The following KCNN2 variants were observed in gnomAD, a reference collection of about 807,000 sequenced individuals.
The protein encoded by KCNN2 is potassium calcium-activated channel subfamily N member 2, also known as small conductance calcium-activated potassium channel protein 2.
A neutral mutation model predicts 55.5 loss-of-function variants in KCNN2; 24 were observed. That is an observed-to-expected ratio of 0.43 (90% CI 0.31 to 0.61). The LOEUF is 0.61. KCNN2 is among the 20% of genes least tolerant of loss of function. The pLI, the probability that KCNN2 is intolerant of heterozygous loss-of-function variation, is 0.08. For synonymous variants in KCNN2, 431 were observed against 336.1 expected (o/e 1.28, Z -3.09); for missense variants, 754 against 853.6 (o/e 0.88, Z 1.45).
At chr5:114,146,333 C>A (rs1194623048) in intron 1 of KCNN2, among the ~76,000 whole-genome samples, 2 of 152,124 alleles carry the variant, frequency 1.3e-5, no homozygotes, top group Non-Finnish European at 2.9e-5. Flanking sequence ...TCTGTTACTT[C>A]TTTCTACAAT....
intron 6 of KCNN2, among the ~76,000 whole-genome samples, chr5:114,487,817 A>G (rs139239516): frequency 6.6e-6 from 1 of 152,272 alleles, no homozygotes; most frequent in East Asian, 1.9e-4. Flanking sequence ...TCCTTACTGT[A>G]AGTATTATTC....
chr5:114,149,103 G>A (rs1015280868), intron 1 of KCNN2, among the ~76,000 whole-genome samples: 1 of 152,046 alleles, frequency 6.6e-6, no homozygotes, highest in Admixed American at 6.6e-5. Flanking sequence ...AGAGAATAAG[G>A]TTATAGGAAT....
chr5:114,432,773 C>G (rs764390592), intron 3 of KCNN2, among the ~76,000 whole-genome samples: 1 of 152,168 alleles, frequency 6.6e-6, no homozygotes, highest in Admixed American at 6.5e-5. Context: ...CCGCGCACGC[C>G]GAGCAGCCGG....
intron 1 of KCNN2, among the ~76,000 whole-genome samples, chr5:114,128,131 T>G (rs1453870207): frequency 6.6e-6 from 1 of 152,174 alleles, no homozygotes; most frequent in Non-Finnish European, 1.5e-5. Context: ...TTTTTGAGTA[T>G]CTTTATAACA....
intron 1 of KCNN2, among the ~76,000 whole-genome samples, chr5:114,084,510 T>C (rs1202477802): frequency 6.6e-6 from 1 of 152,082 alleles, no homozygotes; most frequent in East Asian, 1.9e-4. Flanking sequence ...TATTTTTAAA[T>C]TGGGTTGCTT....
chr5:114,388,717 TC>T (rs1032492502), intron 2 of KCNN2, among the ~76,000 whole-genome samples: 1 of 152,124 alleles, frequency 6.6e-6, no homozygotes, highest in East Asian at 1.9e-4. Context: ...TTTCACCCTT[TC>T]CCCCTGAGAA....
chr5:114,223,102 A>G (rs1754175779), intron 2 of KCNN2, among the ~76,000 whole-genome samples: 2 of 152,162 alleles, frequency 1.3e-5, no homozygotes, highest in African/African-American at 4.8e-5. Context: ...TTCTTGCACT[A>G]CATGTTTAAA....
intron 2 of KCNN2, among the ~76,000 whole-genome samples, chr5:114,308,123 T>C (rs368939999): frequency 6.6e-6 from 1 of 152,144 alleles, no homozygotes; most frequent in Non-Finnish European, 1.5e-5. Flanking sequence ...CCTATCTAGC[T>C]CATGTCAATT....
intron 2 of KCNN2, among the ~76,000 whole-genome samples, chr5:114,378,342 CCT>C (rs1476456338): frequency 6.6e-6 from 1 of 152,074 alleles, no homozygotes; most frequent in African/African-American, 2.4e-5. Flanking sequence ...TTTGCCAGCC[CCT>C]GAGTTAGAGA....
chr5:114,168,174 TAC>T (rs10654082), intron 1 of KCNN2, among the ~76,000 whole-genome samples: 1,824 of 148,672 alleles, frequency 0.012, 36 homozygotes, highest in African/African-American at 0.039. Context: ...TGGATATATA[TAC>T]ACACACACAC....
Position 114,481,532 on chromosome 5 carries a change from G to GA in KCNN2, c.1891-5510dup, listed in dbSNP as rs568134143. ...ACCATTGCCATTCTTCACAGAATTAGAAAAAAAACTATTTTAAAATTTACA... is the reference window on the plus strand; with the variant it reads ...ACCATTGCCATTCTTCACAGAATTAGAAAAAAAAACTATTTTAAAATTTACA... On this transcript the variant is annotated intron_variant, in intron 5 of 7. Transcript: ENST00000673685. 1.5e-3 allele frequency among the ~76,000 whole-genome samples: 222 copies of GA among 151,868 alleles called. 1 individual carries two copies. Among genetic ancestry groups the GA allele is most frequent in the African/African-American group, 5.2e-3 (214 of 41,444 alleles).
chr5:114,374,975 G>T (rs539705416), intron 2 of KCNN2, among the ~76,000 whole-genome samples: 2 of 152,040 alleles, frequency 1.3e-5, no homozygotes, highest in African/African-American at 2.4e-5. Context: ...GGAGGCTTTC[G>T]TTTTCCAGGG....
intron 2 of KCNN2, among the ~76,000 whole-genome samples, chr5:114,385,974 C>G (rs1439198814): frequency 7.3e-5 from 11 of 151,186 alleles, no homozygotes; most frequent in Non-Finnish European, 1.2e-4. Flanking sequence ...GTCAGGAAAT[C>G]GAGACCAGCC....
chr5:114,383,464 C>CT (rs66787954), intron 2 of KCNN2, among the ~76,000 whole-genome samples: 1,347 of 102,444 alleles, frequency 0.013, 9 homozygotes, highest in East Asian at 0.017. Flanking sequence ...CCACTAAATG[C>CT]TTTTTTTTTT....
chr5:114,344,227 A>T (rs6885839), intron 2 of KCNN2, among the ~76,000 whole-genome samples: 6,229 of 152,220 alleles, frequency 0.041, 391 homozygotes, highest in African/African-American at 0.14. Flanking sequence ...CCCAGTCACC[A>T]AGACTTCCCT....
At chr5:114,241,577 T>A (rs1316378288) in intron 2 of KCNN2, among the ~76,000 whole-genome samples, 1 of 151,026 alleles carries the variant, frequency 6.6e-6, no homozygotes, top group East Asian at 1.9e-4. Flanking sequence ...TAATAAAGAT[T>A]GCTGTCATGT....
intron 2 of KCNN2, among the ~76,000 whole-genome samples, chr5:114,349,459 G>C (rs779669830): frequency 6.6e-6 from 1 of 151,908 alleles, no homozygotes; most frequent in African/African-American, 2.4e-5. Flanking sequence ...TTACCTTCAG[G>C]CTATGTGTAT....
At chr5:114,446,482 G>C (rs1409650606) in intron 3 of KCNN2, among the ~76,000 whole-genome samples, 2 of 152,150 alleles carry the variant, frequency 1.3e-5, no homozygotes, top group African/African-American at 2.4e-5. Flanking sequence ...TTTTGAGACA[G>C]AGTCTCGCCT....
chr5:114,374,752 A>ACATT (rs1422673018), intron 2 of KCNN2, among the ~76,000 whole-genome samples: 1 of 152,220 alleles, frequency 6.6e-6, no homozygotes, highest in Non-Finnish European at 1.5e-5. Flanking sequence ...TTGGGATTAT[A>ACATT]CATTGTAAAC....
Sources: allele counts gnomAD v4.1 joint callset (sites outside exome capture counted in the v4.1 genomes callset), GRCh38; gene constraint gnomAD v4.1.1; transcripts MANE v1.5; gene names NCBI Gene and HGNC (gene_info 2026-07-23, HGNC 2026-07-21).